Variants in PLBD1 observed in about 807,000 individuals in gnomAD.
PLBD1 encodes lysosomal leucine aminopeptidase.
In PLBD1, 60 loss-of-function variants were observed where a neutral mutation model predicts 63.0. The ratio of observed to expected loss-of-function variants is 0.95; its 90% CI spans 0.77 to 1.18. The LOEUF is 1.18. Among genes scored for constraint, PLBD1 ranks in the 50% most tolerant of loss-of-function variants. The pLI is 0.00. For missense variants in PLBD1, 598 were observed against 677.9 expected (o/e 0.88, Z 1.31); for synonymous variants, 262 against 248.0 (o/e 1.06, Z -0.53).
intron 6 of PLBD1, among the ~76,000 whole-genome samples, chr12:14,522,180 C>T (rs1371337637): frequency 6.6e-6 from 1 of 152,074 alleles, no homozygotes. Context: ...GCACAGAAAG[C>T]TTCACAAAAT....
chr12:14,536,763 C>T, intron 4 of PLBD1, 53 bp from the exon 5 acceptor site: 1 of 1,596,974 alleles, frequency 6.3e-7, no homozygotes, highest in Non-Finnish European at 8.6e-7. Context: ...GACATCATTT[C>T]CTGTTTTCCT....
Position 14,540,859 on chromosome 12 carries a change from T to C in PLBD1, c.463A>G (p.Thr155Ala), listed in dbSNP as rs922803812. 1 of 1,607,894 alleles carries C rather than the reference T, an allele frequency of 6.2e-7. No individual in the cohort carries two copies. Among genetic ancestry groups the C allele is most frequent in the Middle Eastern group, 1.7e-4 (1 of 6,028 alleles). ...CCTGTATGTCTCCAAAATGAATCAG[T>C]CTTGTATTCTTTGATATTTTTCCGG... ...WTRKNIKEYK[T>A]DSFWRHTGYV... Residue 155 changes from threonine to alanine, a missense_variant, in exon 4 of 11, where the codon ACT becomes GCT. Physicochemically the swap from Thr to Ala is moderately conservative, Grantham distance 58. Transcript: ENST00000240617.
At chr12:14,553,829 T>A in intron 1 of PLBD1, 1 of 206,388 alleles carries the variant, frequency 4.8e-6, no homozygotes, top group Non-Finnish European at 1.0e-5. Flanking sequence ...TCGTCCTCTT[T>A]GACTGAGCGC....
intron 6 of PLBD1, among the ~76,000 whole-genome samples, chr12:14,529,308 T>C (rs1254737618): frequency 1.3e-5 from 2 of 152,022 alleles, no homozygotes; most frequent in Non-Finnish European, 2.9e-5. Context: ...AGGATAAGCT[T>C]ATCCTAAAAC....
At position 14,567,604 on chromosome 12, in the gene PLBD1, G is replaced by C. The variant is rs886303948; in HGVS notation, c.93C>G (p.Thr31=). 3.3e-6 allele frequency: 5 copies of C among 1,497,888 alleles called. No homozygotes were observed. Among genetic ancestry groups the C allele is most frequent in the Admixed American group, 4.3e-5 (2 of 46,078 alleles). The allele number at this position is 1,497,888 out of a possible 1,614,324, so 92.8% of individuals were successfully genotyped here. ...LLLLLPLLLV[T]AEPPKPAGVY... ...CACCTGCAGGTTTCGGCGGCTCCGC[G>C]GTGACTAACAACAGCGGCAGCAGCA... The change falls in exon 1 of 11, where the codon ACC becomes ACG. Residue 31 remains threonine (T), a synonymous_variant. Coordinates refer to ENST00000240617, the MANE Select transcript of PLBD1 (RefSeq NM_024829.6).
At chr12:14,520,039 T>TG (rs1945363815) in intron 6 of PLBD1, among the ~76,000 whole-genome samples, 4 of 152,160 alleles carry the variant, frequency 2.6e-5, no homozygotes, top group Non-Finnish European at 5.9e-5. Flanking sequence ...TAACTGTGCA[T>TG]GAATGTGGGA....
chr12:14,556,519 A>G (rs1945705927), intron 1 of PLBD1, among the ~76,000 whole-genome samples: 1 of 151,736 alleles, frequency 6.6e-6, no homozygotes, highest in South Asian at 2.1e-4. Flanking sequence ...ACAGGCATGC[A>G]CCATCACATC....
chr12:14,508,969 A>G (rs564880215), intron 8 of PLBD1, among the ~76,000 whole-genome samples: 16 of 152,212 alleles, frequency 1.1e-4, no homozygotes, highest in Non-Finnish European at 2.2e-4. Context: ...CAGTTGCTTA[A>G]ATACGTTAGG....
At chr12:14,511,156 C>T in intron 8 of PLBD1, 104 bp downstream of exon 8, 1 of 1,074,782 alleles carries the variant, frequency 9.3e-7, no homozygotes, top group Non-Finnish European at 1.3e-6. Context: ...GTCTTCCCCA[C>T]CATACCCTCC....
chr12:14,517,045 A>T (rs1386690870), intron 6 of PLBD1, among the ~76,000 whole-genome samples: 1 of 152,148 alleles, frequency 6.6e-6, no homozygotes, highest in Non-Finnish European at 1.5e-5. Context: ...TCTCAAACAA[A>T]AAAAAAGTCC....
chr12:14,541,028 T>A, intron 3 of PLBD1, 126 bp from the exon 4 acceptor site: 1 of 1,054,808 alleles, frequency 9.5e-7, no homozygotes, highest in Non-Finnish European at 1.3e-6. Flanking sequence ...CTAGATCTTG[T>A]AACACTCCAG....
At chr12:14,533,463 A>G (rs1268722755) in intron 6 of PLBD1, among the ~76,000 whole-genome samples, 1 of 152,224 alleles carries the variant, frequency 6.6e-6, no homozygotes, top group Non-Finnish European at 1.5e-5. Context: ...ACATATGCAA[A>G]TGTTAACAGG....
In PLBD1 at chr12:14,506,217, C is replaced by T; in HGVS notation, c.1424G>A (p.Cys475Tyr). ...SRGDPCNTIC[C>Y]REDLNSPNPS... ...GTTAGGTGAGTTCAGGTCCTCACGG[C>T]AGCAGATGGTATTACAGGGGTCACC... The change falls in exon 10 of 11, where the codon TGC becomes TAC. Residue 475 changes from cysteine (C) to tyrosine (Y), a missense_variant. Coordinates refer to ENST00000240617, the MANE Select transcript of PLBD1 (RefSeq NM_024829.6). The T allele has an allele frequency of 6.2e-7, 1 of 1,613,304 alleles. No homozygotes were observed. The highest frequency in any genetic ancestry group is 8.5e-7 in the Non-Finnish European group (1 of 1,179,496).
intron 4 of PLBD1, 150 bp from the exon 5 acceptor site, chr12:14,536,860 G>C (rs1005174423): frequency 1.0e-6 from 1 of 987,008 alleles, no homozygotes; most frequent in Admixed American, 2.3e-5. Context: ...AGGCCAACGC[G>C]GGTGGATCTC....
Position 14,535,700 on chromosome 12 carries a change from TTATC to T in PLBD1, c.799_802del (p.Asp267LysfsTer30), listed in dbSNP as rs1485695788. On this transcript the variant is annotated frameshift_variant, in exon 6 of 11. Coordinates refer to ENST00000240617, the MANE Select transcript of PLBD1 (RefSeq NM_024829.6). LOFTEE classifies it high-confidence loss of function. ...AGAGAGGCGACTACTGCTGGTATCT[TTATC>T]TATGACGTTGAAGTCCCAGTGTTTA... 1 of 1,614,052 alleles carries T rather than the reference TTATC, an allele frequency of 6.2e-7. No individual in the cohort carries two copies.
At chr12:14,548,499 T>C (rs1009815699) in intron 2 of PLBD1, among the ~76,000 whole-genome samples, 1 of 147,854 alleles carries the variant, frequency 6.8e-6, no homozygotes, top group Non-Finnish European at 1.5e-5. Context: ...GAAGAAGAAA[T>C]TTTTGAGGGT....
chr12:14,556,676 T>A (rs1204403099), intron 1 of PLBD1, among the ~76,000 whole-genome samples: 1 of 151,580 alleles, frequency 6.6e-6, no homozygotes, highest in Non-Finnish European at 1.5e-5. Flanking sequence ...GCCAACATTT[T>A]ACTTTTTGAT....
intron 1 of PLBD1, among the ~76,000 whole-genome samples, chr12:14,554,674 G>T (rs563877553): frequency 1.3e-5 from 2 of 151,762 alleles, no homozygotes; most frequent in Non-Finnish European, 2.9e-5. Context: ...ATACCAATGC[G>T]TCTTCTGCCT....
intron 2 of PLBD1, among the ~76,000 whole-genome samples, chr12:14,544,259 C>T (rs575079056): frequency 2.0e-5 from 3 of 152,296 alleles, no homozygotes; most frequent in East Asian, 3.9e-4. Flanking sequence ...CTGCAACCGC[C>T]GCCTCCCAAG....
Sources: gnomAD v4.1 joint callset for allele counts (sites outside exome capture counted in the v4.1 genomes callset) on GRCh38, gnomAD v4.1.1 for gene constraint, MANE v1.5 for transcripts, NCBI Gene and HGNC (gene_info 2026-07-23, HGNC 2026-07-21) for gene names.